The following SRGAP2C variants were observed in gnomAD, a reference collection of about 807,000 sequenced individuals.
SRGAP2C encodes the protein SLIT-ROBO Rho GTPase activating protein 2C, also known as SLIT-ROBO Rho GTPase-activating protein 2C.
SRGAP2C carries 15 observed loss-of-function variants against 25.1 expected under a neutral mutation model. That is an observed-to-expected ratio of 0.60 (90% confidence interval 0.40 to 0.92). The LOEUF (loss-of-function observed/expected upper bound fraction) is 0.92. Among genes scored for constraint, SRGAP2C ranks in the 40% least tolerant of loss-of-function variants. The pLI, the probability that SRGAP2C is intolerant of heterozygous loss-of-function variation, is 0.00. For missense variants in SRGAP2C, 144 were observed against 264.4 expected, an observed-to-expected ratio of 0.54 and a Z score of 3.16; for synonymous variants, 44 against 96.6, an observed-to-expected ratio of 0.46 and a Z score of 3.19.
rs1427748803 is a variant in SRGAP2C, at chr1:121,244,353, C to A, written c.68-40450C>A. 1.9e-5 allele frequency among the ~76,000 whole-genome samples: 2 copies of A among 107,268 alleles called. 1 individual carries two copies. The highest frequency in any genetic ancestry group is 3.8e-5 in the Non-Finnish European group (2 of 53,212). The allele number at this position is 107,268 out of a possible 152,430, so 70.4% of individuals were successfully genotyped here. A position where few individuals can be genotyped will look rare whatever the true frequency, so the allele number is the denominator to read the frequency against. On this transcript the variant is annotated intron_variant, in intron 2 of 9. Transcript: ENST00000367123. ...GGGATTTCAGTGAACAGGGTTTTATCGTGGGTTTTTTTTTTTTTTTTGTCT... is the reference window on the plus strand; with the variant it reads ...GGGATTTCAGTGAACAGGGTTTTATAGTGGGTTTTTTTTTTTTTTTTGTCT...
In SRGAP2C at chr1:121,391,462, G is replaced by A. The variant is rs2101689963; in HGVS notation, c.*3607G>A. 6.6e-6 allele frequency: 1 copy of A among 152,240 alleles called. No individual in the cohort carries two copies. The highest frequency in any genetic ancestry group is 2.4e-5 in the African/African-American group (1 of 41,466). The allele number at this position is 152,240 out of a possible 1,614,324, so 9.4% of individuals were successfully genotyped here. A position where few individuals can be genotyped will look rare whatever the true frequency, so the allele number is the denominator to read the frequency against. ...ACAAAGCCAGTCTGCATGGCCTACA[G>A]ACATATTTTGCTGGACAATGATTAC... On this transcript the variant is annotated 3_prime_UTR_variant, in exon 10 of 10. Transcript: ENST00000367123.
intron 3 of SRGAP2C, among the ~76,000 whole-genome samples, chr1:121,321,888 T>G (rs1658213137): frequency 6.6e-6 from 1 of 152,238 alleles, no homozygotes; most frequent in Non-Finnish European, 1.5e-5. Context: ...CTCTGCTTCC[T>G]CTTTTGATCT....
chr1:121,285,402 T>TCACACACACACACA lies in SRGAP2C; in HGVS notation c.260+408_260+409insACACACACACACAC, dbSNP rs1452003957. On this transcript the variant is annotated intron_variant, in intron 3 of 9. Transcript: ENST00000367123. ...CTATCTTAATCTCTGTCTCTCTCTC[T>TCACACACACACACA]CTCACACACACACACACACACACTC... Among the ~76,000 whole-genome samples the TCACACACACACACA allele has an allele frequency of 1.4e-3, 180 of 128,294 alleles. 1 individual carries two copies. Among genetic ancestry groups the TCACACACACACACA allele is most frequent in the African/African-American group, 2.6e-3 (93 of 35,504 alleles). 84.2% of individuals were successfully genotyped at this position (128,294 alleles called of 152,430 possible). A position where few individuals can be genotyped will look rare whatever the true frequency, so the allele number is the denominator to read the frequency against.
chr1:121,232,800 A>C (rs1655851481), intron 2 of SRGAP2C, among the ~76,000 whole-genome samples: 1 of 151,838 alleles, frequency 6.6e-6, no homozygotes, highest in Admixed American at 6.6e-5. Flanking sequence ...TGGTTTGGTG[A>C]CAAAATTTAT....
intron 2 of SRGAP2C, among the ~76,000 whole-genome samples, chr1:121,198,069 A>G (rs1654879285): frequency 2.8e-5 from 1 of 35,440 alleles, no homozygotes; most frequent in Admixed American, 3.5e-4. Context: ...ATGGGGAAGG[A>G]GAGGTCCTAA....
chr1:121,228,862 G>A (rs1339334225), intron 2 of SRGAP2C, among the ~76,000 whole-genome samples: 1 of 151,078 alleles, frequency 6.6e-6, no homozygotes, highest in Non-Finnish European at 1.5e-5. Context: ...GGCATATTTG[G>A]TTGCCCAACT....
intron 5 of SRGAP2C, among the ~76,000 whole-genome samples, chr1:121,366,228 A>T (rs1553349491): frequency 6.8e-6 from 1 of 147,836 alleles, no homozygotes; most frequent in African/African-American, 2.5e-5. Context: ...TTTGAAGGTG[A>T]TACTGATTTC....
At chr1:121,279,953 C>T (rs1323481469) in intron 2 of SRGAP2C, among the ~76,000 whole-genome samples, 1 of 150,900 alleles carries the variant, frequency 6.6e-6, no homozygotes, top group Non-Finnish European at 1.5e-5. Flanking sequence ...GGTTATTTTC[C>T]CCTTCACTGG....
chr1:121,384,719 G>T (rs1659918001), intron 8 of SRGAP2C, among the ~76,000 whole-genome samples: 1 of 143,480 alleles, frequency 7.0e-6, no homozygotes, highest in Non-Finnish European at 1.5e-5. Context: ...TCCAGATGCT[G>T]GGTGCTCAAG....
At position 121,324,482 on chromosome 1, in the gene SRGAP2C, G is replaced by A; in HGVS notation, c.265G>A (p.Asp89Asn). ...TTCCTTGATGTTTCTTCACAGGAAG[G>A]ATCAGAATGTTCTCTCTCCAGTCAA... ...RSTKDQQFKK[D>N]QNVLSPVNCW... The change falls in exon 4 of 10, where the codon GAT becomes AAT. Residue 89 changes from aspartate (D) to asparagine (N), a missense_variant. Transcript: ENST00000367123. The A allele has an allele frequency of 6.2e-7, 1 of 1,612,854 alleles. No individual in the cohort carries two copies. The highest frequency in any genetic ancestry group is 8.5e-7 in the Non-Finnish European group (1 of 1,178,970).
At chr1:121,353,441 C>G (rs1331291132) in intron 4 of SRGAP2C, among the ~76,000 whole-genome samples, 2 of 147,774 alleles carry the variant, frequency 1.4e-5, no homozygotes, top group African/African-American at 5.0e-5. Context: ...CCTTGGCCTT[C>G]CAAAGTGCTG....
At chr1:121,385,929 T>C (rs1659950288) in intron 8 of SRGAP2C, among the ~76,000 whole-genome samples, 1 of 150,542 alleles carries the variant, frequency 6.6e-6, no homozygotes, top group East Asian at 2.0e-4. Context: ...TGATGGCTCT[T>C]TGGAAAATGC....
At chr1:121,269,963 T>TAAAAAGAACA (rs1240193291) in intron 2 of SRGAP2C, among the ~76,000 whole-genome samples, 2 of 151,688 alleles carry the variant, frequency 1.3e-5, no homozygotes, top group Non-Finnish European at 2.9e-5. Context: ...TTGTTGTTTC[T>TAAAAAGAACA]TTTTTTGCCT....
chr1:121,305,173 C>T (rs1657800858), intron 3 of SRGAP2C, among the ~76,000 whole-genome samples: 1 of 151,742 alleles, frequency 6.6e-6, no homozygotes, highest in Non-Finnish European at 1.5e-5. Flanking sequence ...TCCCTGATCA[C>T]CTCTTTTGCA....
At chr1:121,288,962 G>T (rs1456918420) in intron 3 of SRGAP2C, among the ~76,000 whole-genome samples, 1 of 132,348 alleles carries the variant, frequency 7.6e-6, no homozygotes, top group Non-Finnish European at 1.6e-5. Flanking sequence ...ACAGGGTGCT[G>T]ATTGGTGTAT....
At chr1:121,228,902 G>T (rs1411808654) in intron 2 of SRGAP2C, among the ~76,000 whole-genome samples, 1 of 151,856 alleles carries the variant, frequency 6.6e-6, no homozygotes, top group African/African-American at 2.4e-5. Context: ...GGGAGAGGGA[G>T]CCTCCATACT....
At chr1:121,329,705 C>T (rs1405877405) in intron 4 of SRGAP2C, among the ~76,000 whole-genome samples, 3 of 149,208 alleles carry the variant, frequency 2.0e-5, no homozygotes, top group Admixed American at 1.3e-4. Context: ...TTAAGGGAGG[C>T]TCCTTGCTAG....
At chr1:121,372,025 A>T (rs1659504400) in intron 5 of SRGAP2C, among the ~76,000 whole-genome samples, 1 of 152,194 alleles carries the variant, frequency 6.6e-6, no homozygotes, top group Admixed American at 6.5e-5. Context: ...AAGGCTTTTA[A>T]ACACCATTAG....
At chr1:121,361,366 C>T (rs1246287440) in intron 4 of SRGAP2C, 1 of 144,104 alleles carries the variant, frequency 6.9e-6, no homozygotes, top group Non-Finnish European at 1.5e-5. Flanking sequence ...GTGACCAGAC[C>T]AGTGGCCAGG....
Sources: gnomAD v4.1 joint callset for allele counts (sites outside exome capture counted in the v4.1 genomes callset) on GRCh38, gnomAD v4.1.1 for gene constraint, MANE v1.5 for transcripts, NCBI Gene and HGNC (gene_info 2026-07-23, HGNC 2026-07-21) for gene names.